Variants in SLC25A44 observed in about 807,000 individuals in gnomAD.
The protein encoded by SLC25A44 is solute carrier family 25, member 44.
SLC25A44 carries 17 observed loss-of-function variants against 29.9 expected under a neutral mutation model. The observed-to-expected ratio is 0.57, with a 90% CI of 0.39 to 0.85. The LOEUF (loss-of-function observed/expected upper bound fraction) is 0.85, where lower values mean the gene tolerates loss of function less well. SLC25A44 is among the 40% of genes least tolerant of loss of function. SLC25A44 has a pLI of 0.00. For synonymous variants in SLC25A44, 140 were observed against 151.8 expected (o/e 0.92, Z 0.57); for missense variants, 302 against 398.4 (o/e 0.76, Z 2.06).
intron 1 of SLC25A44, among the ~76,000 whole-genome samples, chr1:156,194,969 GCCAGTCTGTGGA>G (rs1656112278): frequency 6.6e-6 from 1 of 152,218 alleles, no homozygotes; most frequent in Non-Finnish European, 1.5e-5. Flanking sequence ...TGTCCATGAT[GCCAGTCTGTGGA>G]CCACCTTGGG....
intron 1 of SLC25A44, 137 bp from the exon 2 acceptor site, chr1:156,199,697 TG>T: frequency 1.5e-6 from 1 of 664,708 alleles, no homozygotes; most frequent in Non-Finnish European, 2.6e-6. Flanking sequence ...AGAGCCAGAT[TG>T]GGTGGAGTCC....
rs1656376284 is a variant in SLC25A44, at chr1:156,198,924, C to T, written c.-13-911C>T. The T allele has an allele frequency of 6.6e-6, 1 of 152,260 alleles. No homozygotes were observed. Among genetic ancestry groups the T allele is most frequent in the Non-Finnish European group, 1.5e-5 (1 of 68,056 alleles). The allele number at this position is 152,260 out of a possible 1,614,324, so 9.4% of individuals were successfully genotyped here. On this transcript the variant is annotated intron_variant, in intron 1 of 3. Coordinates refer to ENST00000359511, the MANE Select transcript of SLC25A44 (RefSeq NM_014655.4). The surrounding 1 kb of genome is among the most constrained non-coding windows in gnomAD (Gnocchi z 4.1). The stretch of plus-strand genomic sequence containing the variant: ...AGCATGGGGTCCAACGTGTTCTGTA[C>T]TCTGTAGTTCCCCAGACTCTTCAGG...
At chr1:156,195,595 C>T (rs1572446312) in intron 1 of SLC25A44, among the ~76,000 whole-genome samples, 1 of 152,286 alleles carries the variant, frequency 6.6e-6, no homozygotes, top group East Asian at 1.9e-4. Flanking sequence ...CTGGGAACGA[C>T]GGATAGTCTG....
intron 1 of SLC25A44, chr1:156,196,780 C>G (rs997935139): frequency 1.3e-5 from 2 of 152,260 alleles, no homozygotes; most frequent in Non-Finnish European, 2.9e-5. Flanking sequence ...TGCAAGAAGT[C>G]TCTGGGCATC....
chr1:156,196,648 C>T (rs1656228969), intron 1 of SLC25A44: 1 of 152,214 alleles, frequency 6.6e-6, no homozygotes, highest in African/African-American at 2.4e-5. Flanking sequence ...GCAGGAGGCC[C>T]TCCTGCTTGA....
At chr1:156,207,796 G>C (rs1439015390) in intron 2 of SLC25A44, 90 bp from the exon 3 acceptor site, 11 of 1,499,360 alleles carry the variant, frequency 7.3e-6, no homozygotes. Flanking sequence ...TGTCTGGGTT[G>C]GGAAAGCCAC....
Position 156,212,775 on chromosome 1 carries a change from A to G in SLC25A44, c.*2344A>G, listed in dbSNP as rs1657422884. 3.5e-6 allele frequency: 2 copies of G among 571,846 alleles called. No individual in the cohort carries two copies. The highest frequency in any genetic ancestry group is 3.1e-5 in the Admixed American group (1 of 32,384). The allele number at this position is 571,846 out of a possible 1,614,324, so 35.4% of individuals were successfully genotyped here. A position where few individuals can be genotyped will look rare whatever the true frequency, so the allele number is the denominator to read the frequency against. On this transcript the variant is annotated 3_prime_UTR_variant, in exon 4 of 4. Transcript: ENST00000359511. ...GTACGAAGTCTCTGAAATGTAATTA[A>G]AAGTTTTTATTGAGCCCCCGAGCTT...
chr1:156,194,970 C>T (rs1656112131), intron 1 of SLC25A44, among the ~76,000 whole-genome samples: 1 of 152,186 alleles, frequency 6.6e-6, no homozygotes, highest in South Asian at 2.1e-4. Context: ...GTCCATGATG[C>T]CAGTCTGTGG....
chr1:156,199,837 C>T lies in SLC25A44; in HGVS notation c.-11C>T, dbSNP rs554995570. 1 of 1,609,038 alleles carries T rather than the reference C, an allele frequency of 6.2e-7. No individual in the cohort carries two copies. Among genetic ancestry groups the T allele is most frequent in the African/African-American group, 1.3e-5 (1 of 74,984 alleles). On this transcript the variant is annotated splice_region_variant and 5_prime_UTR_variant, in exon 2 of 4. Coordinates refer to ENST00000359511, the MANE Select transcript of SLC25A44 (RefSeq NM_014655.4). Reference sequence around the variant, plus strand: ...CCTCCATACTGCTCAAATCCCAGGTCTTCAGGCACCATGGAGGACAAACGC... The same window carrying T: ...CCTCCATACTGCTCAAATCCCAGGTTTTCAGGCACCATGGAGGACAAACGC...
intron 2 of SLC25A44, among the ~76,000 whole-genome samples, chr1:156,205,475 C>G (rs1656881228): frequency 6.6e-6 from 1 of 152,128 alleles, no homozygotes; most frequent in Non-Finnish European, 1.5e-5. Flanking sequence ...GGCTGCCCCT[C>G]GAACACTTGC....
intron 2 of SLC25A44, among the ~76,000 whole-genome samples, chr1:156,201,553 C>T (rs770372344): frequency 1.3e-5 from 2 of 152,142 alleles, no homozygotes; most frequent in South Asian, 4.1e-4. Flanking sequence ...TCTGTACTTT[C>T]CTGGTGCTTC....
At chr1:156,203,895 G>A (rs1260023491) in intron 2 of SLC25A44, among the ~76,000 whole-genome samples, 10 of 151,312 alleles carry the variant, frequency 6.6e-5, no homozygotes, top group African/African-American at 2.2e-4. Context: ...TAGTAGAGAT[G>A]GGGTTTCACC....
chr1:156,200,495 G>T (rs759837666), intron 2 of SLC25A44, 23 bp downstream of exon 2: 2 of 1,562,718 alleles, frequency 1.3e-6, no homozygotes, highest in Admixed American at 1.8e-5. Context: ...CAGGACAGTG[G>T]GGGAGGAAGG....
At chr1:156,201,680 T>G (rs1656593313) in intron 2 of SLC25A44, among the ~76,000 whole-genome samples, 1 of 150,230 alleles carries the variant, frequency 6.7e-6, no homozygotes, top group African/African-American at 2.5e-5. Context: ...TTCTTCCTTC[T>G]TTTTCTTCTT....
intron 2 of SLC25A44, among the ~76,000 whole-genome samples, chr1:156,207,378 A>C (rs149480232): frequency 0.04 from 6,058 of 152,138 alleles, 193 homozygotes; most frequent in African/African-American, 0.096. Context: ...ACGGGGTTTC[A>C]CCATGTTAGC....
rs560741586 is a variant in SLC25A44 at position 156,211,727 on chromosome 1, T to G, written c.*1296T>G. ...TCCTCAGGAGCTAGGAGAGGAGTGC[T>G]CCTTCCTCCCTACCGCTACTCTCCC... On this transcript the variant is annotated 3_prime_UTR_variant, in exon 4 of 4. Coordinates refer to ENST00000359511, the MANE Select transcript of SLC25A44 (RefSeq NM_014655.4). The G allele has an allele frequency of 2.6e-5, 4 of 152,790 alleles. No homozygotes were observed. The highest frequency in any genetic ancestry group is 7.2e-5 in the African/African-American group (3 of 41,532). The allele number at this position is 152,790 out of a possible 1,614,324, so 9.5% of individuals were successfully genotyped here. A position where few individuals can be genotyped will look rare whatever the true frequency, so the allele number is the denominator to read the frequency against.
intron 2 of SLC25A44, among the ~76,000 whole-genome samples, chr1:156,204,541 C>T (rs555877922): frequency 4.6e-5 from 7 of 152,084 alleles, no homozygotes; most frequent in African/African-American, 1.7e-4. Flanking sequence ...GGCTGGAGTG[C>T]AATGGCATGA....
intron 1 of SLC25A44, 90 bp from the exon 2 acceptor site, chr1:156,199,745 T>A: frequency 8.7e-7 from 1 of 1,144,472 alleles, no homozygotes; most frequent in Middle Eastern, 2.7e-4. Context: ...AGATGAGGGC[T>A]GAGAATGGGC....
chr1:156,203,555 T>G (rs1466181142), intron 2 of SLC25A44, among the ~76,000 whole-genome samples: 2 of 152,180 alleles, frequency 1.3e-5, no homozygotes. Context: ...CTTAGCCAAG[T>G]GGGACTTAAA....
Sources: allele counts gnomAD v4.1 joint callset (sites outside exome capture counted in the v4.1 genomes callset), GRCh38; gene constraint gnomAD v4.1.1; non-coding constraint Gnocchi (gnomAD v3.1); transcripts MANE v1.5; gene names NCBI Gene and HGNC (gene_info 2026-07-23, HGNC 2026-07-21).